STK39: variants seen among roughly 807,000 people sequenced by gnomAD.
The protein encoded by STK39 is STE20/SPS1-related proline-alanine-rich protein kinase.
Under a neutral mutation model 77.8 loss-of-function variants are expected in STK39, and 20 were observed. That is an observed-to-expected ratio of 0.26 (90% CI 0.18 to 0.37). The LOEUF (loss-of-function observed/expected upper bound fraction) is 0.37. STK39 is among the 10% of genes least tolerant of loss of function. The pLI is 1.00. For missense variants in STK39, 479 were observed against 656.5 expected (o/e 0.73, Z 2.95); for synonymous variants, 246 against 234.1 (o/e 1.05, Z -0.47).
Position 168,029,779 on chromosome 2 carries a change from T to C in STK39, c.1377-12684A>G, listed in dbSNP as rs1288762971. 1.2e-4 allele frequency among the ~76,000 whole-genome samples: 18 copies of C among 152,118 alleles called. 1 individual carries two copies. On this transcript the variant is annotated intron_variant, in intron 14 of 17. Coordinates refer to ENST00000355999, the MANE Select transcript of STK39 (RefSeq NM_013233.3). The stretch of plus-strand genomic sequence containing the variant: ...TAGATCTTTCCCCTTAGCTAAACCA[T>C]CTGTAGGAAGCAGAAGTAACATTCT...
intron 10 of STK39, among the ~76,000 whole-genome samples, chr2:168,090,905 A>T (rs1177372915): frequency 6.6e-6 from 1 of 152,156 alleles, no homozygotes; most frequent in East Asian, 1.9e-4. Context: ...TATCTTGAAG[A>T]TACTGCGAGG....
intron 10 of STK39, among the ~76,000 whole-genome samples, chr2:168,105,483 C>A (rs1686945231): frequency 6.6e-6 from 1 of 152,202 alleles, no homozygotes; most frequent in African/African-American, 2.4e-5. Flanking sequence ...AGAAAATTCC[C>A]ACAGTGTGAT....
intron 14 of STK39, among the ~76,000 whole-genome samples, chr2:168,042,862 G>A (rs561006688): frequency 4.5e-4 from 68 of 152,278 alleles, no homozygotes; most frequent in African/African-American, 1.5e-3. Flanking sequence ...ATAGGAGTGA[G>A]CCACTGCACC....
intron 13 of STK39, 139 bp from the exon 14 acceptor site, chr2:168,063,709 G>A: frequency 3.0e-6 from 2 of 675,780 alleles, no homozygotes; most frequent in South Asian, 4.0e-5. Context: ...GGCCTTCTTT[G>A]GCATCGTAAC....
intron 10 of STK39, among the ~76,000 whole-genome samples, chr2:168,082,195 G>A (rs1322544843): frequency 6.6e-6 from 1 of 152,064 alleles, no homozygotes; most frequent in Non-Finnish European, 1.5e-5. Context: ...TTATAGCCAG[G>A]CCCTGCCTCC....
At chr2:168,247,061 T>TAA (rs755613797) in intron 1 of STK39, among the ~76,000 whole-genome samples, 167 bp downstream of exon 1, 3,521 of 87,980 alleles carry the variant, frequency 0.04, 107 homozygotes, top group African/African-American at 0.055. Context: ...CATTAAAAAT[T>TAA]AAAAAAAAAA....
chr2:168,209,255 A>AT (rs1248085984), intron 1 of STK39, among the ~76,000 whole-genome samples: 17 of 152,208 alleles, frequency 1.1e-4, no homozygotes, highest in Non-Finnish European at 1.9e-4. Context: ...AATAAGTTAG[A>AT]TTTTTTTAAA....
chr2:167,980,409 A>C (rs1683384878), intron 16 of STK39, among the ~76,000 whole-genome samples: 1 of 152,202 alleles, frequency 6.6e-6, no homozygotes. Flanking sequence ...TTTGATAGTC[A>C]CCTATTAACA....
intron 16 of STK39, among the ~76,000 whole-genome samples, chr2:168,006,345 C>G (rs1684133589): frequency 6.6e-6 from 1 of 152,220 alleles, no homozygotes; most frequent in Non-Finnish European, 1.5e-5. Context: ...CTAAAACTTA[C>G]TAAACTAATT....
intron 10 of STK39, among the ~76,000 whole-genome samples, chr2:168,120,197 A>G (rs1253589047): frequency 6.6e-6 from 1 of 152,232 alleles, no homozygotes; most frequent in Non-Finnish European, 1.5e-5. Context: ...CCTATTTAAC[A>G]TATCTTATAC....
intron 12 of STK39, among the ~76,000 whole-genome samples, chr2:168,074,076 A>G (rs1169563558): frequency 6.6e-6 from 1 of 152,160 alleles, no homozygotes; most frequent in Non-Finnish European, 1.5e-5. Flanking sequence ...GAGAAGGATG[A>G]GAGGAAAGAA....
intron 12 of STK39, among the ~76,000 whole-genome samples, chr2:168,068,185 G>A (rs1040783853): frequency 1.3e-5 from 2 of 152,154 alleles, no homozygotes; most frequent in Non-Finnish European, 2.9e-5. Context: ...ATGAGATTTG[G>A]GTGAGGACAC....
chr2:168,093,139 T>A (rs1025423271), intron 10 of STK39, among the ~76,000 whole-genome samples: 1 of 152,204 alleles, frequency 6.6e-6, no homozygotes, highest in Non-Finnish European at 1.5e-5. Context: ...AGTCTGTAAG[T>A]CAGAAAGCAG....
chr2:168,021,031 G>C (rs922860464), intron 14 of STK39, among the ~76,000 whole-genome samples: 2 of 152,118 alleles, frequency 1.3e-5, no homozygotes, highest in Non-Finnish European at 2.9e-5. Context: ...CATGAGGAAA[G>C]CAAGTATTTA....
chr2:167,963,892 A>G (rs1173072909), intron 17 of STK39, among the ~76,000 whole-genome samples: 1 of 152,226 alleles, frequency 6.6e-6, no homozygotes, highest in Non-Finnish European at 1.5e-5. Flanking sequence ...TAGATCTAAA[A>G]TTGCTTCTGG....
At chr2:167,982,907 AG>A (rs1327388341) in intron 16 of STK39, among the ~76,000 whole-genome samples, 5 of 152,280 alleles carry the variant, frequency 3.3e-5, no homozygotes, top group Non-Finnish European at 5.9e-5. Context: ...TGACCTTATT[AG>A]ATGCTTTAAA....
At chr2:168,040,672 T>C (rs1299139527) in intron 14 of STK39, among the ~76,000 whole-genome samples, 1 of 152,216 alleles carries the variant, frequency 6.6e-6, no homozygotes, top group African/African-American at 2.4e-5. Flanking sequence ...TATATGAAGT[T>C]TCATTTTCAT....
intron 16 of STK39, among the ~76,000 whole-genome samples, chr2:167,998,924 A>C (rs1188586578): frequency 6.6e-6 from 1 of 152,228 alleles, no homozygotes; most frequent in Non-Finnish European, 1.5e-5. Flanking sequence ...ACGCGTCTGA[A>C]GGAAAGCATT....
intron 5 of STK39, among the ~76,000 whole-genome samples, chr2:168,158,724 A>T (rs1028588118): frequency 1.1e-4 from 17 of 152,208 alleles, no homozygotes; most frequent in African/African-American, 3.9e-4. Flanking sequence ...AGTTTCTCCT[A>T]TGTAAAATGG....
Sources: allele counts gnomAD v4.1 joint callset (sites outside exome capture counted in the v4.1 genomes callset), GRCh38; gene constraint gnomAD v4.1.1; transcripts MANE v1.5; gene names NCBI Gene and HGNC (gene_info 2026-07-23, HGNC 2026-07-21).